BORA: variants seen among roughly 807,000 people sequenced by gnomAD.
BORA encodes the protein protein aurora borealis.
BORA carries 26 observed loss-of-function variants against 55.8 expected under a neutral mutation model. That is an observed-to-expected ratio of 0.47 (90% CI 0.34 to 0.65). The LOEUF (loss-of-function observed/expected upper bound fraction) is 0.65. BORA is among the 30% of genes least tolerant of loss of function. The pLI is 0.01. For synonymous variants in BORA, 201 were observed against 216.9 expected (o/e 0.93, Z 0.64); for missense variants, 568 against 671.5 (o/e 0.85, Z 1.70).
intron 5 of BORA, among the ~76,000 whole-genome samples, chr13:72,741,280 C>T (rs1383923020): frequency 6.6e-6 from 1 of 152,194 alleles, no homozygotes; most frequent in Non-Finnish European, 1.5e-5. Flanking sequence ...TCCTGTGTCC[C>T]AGCATCCCTG....
At chr13:72,750,323 C>T (rs2033240433) in intron 10 of BORA, among the ~76,000 whole-genome samples, 1 of 152,082 alleles carries the variant, frequency 6.6e-6, no homozygotes, top group Non-Finnish European at 1.5e-5. Flanking sequence ...AACTGAACAG[C>T]CTCAAGGTGA....
intron 11 of BORA, 38 bp from the exon 12 acceptor site, chr13:72,755,113 C>T (rs143482374): frequency 6.3e-7 from 1 of 1,590,094 alleles, no homozygotes; most frequent in Non-Finnish European, 8.6e-7. Context: ...AGTGGTCCTA[C>T]TTAAACTGAA....
chr13:72,739,535 T>C (rs1287552609), intron 5 of BORA, among the ~76,000 whole-genome samples: 2 of 152,150 alleles, frequency 1.3e-5, no homozygotes, highest in Non-Finnish European at 2.9e-5. Context: ...AAGGTAGAGA[T>C]AGTGTGTCCC....
chr13:72,750,568 C>T (rs2138103050), intron 10 of BORA, among the ~76,000 whole-genome samples: 1 of 152,144 alleles, frequency 6.6e-6, no homozygotes, highest in Non-Finnish European at 1.5e-5. Context: ...AAGTAACTCC[C>T]ACATGCTTAG....
intron 5 of BORA, among the ~76,000 whole-genome samples, chr13:72,740,338 T>TAAA (rs1347111615): frequency 2.0e-5 from 3 of 152,170 alleles, no homozygotes; most frequent in African/African-American, 7.2e-5. Flanking sequence ...CTCATGTCTT[T>TAAA]AGCCAGCACC....
intron 1 of BORA, chr13:72,728,304 C>T: frequency 1.6e-6 from 1 of 629,072 alleles, no homozygotes; most frequent in African/African-American, 1.8e-5. Flanking sequence ...AATGCAGTCT[C>T]CCTTTCTATC....
At chr13:72,744,588 T>C (rs922621644) in intron 7 of BORA, 27 bp downstream of exon 7, 3 of 1,540,734 alleles carry the variant, frequency 1.9e-6, no homozygotes, top group Non-Finnish European at 2.7e-6. Context: ...TTTAAACTTT[T>C]AATAACTTGA....
rs1367466278 is a variant in BORA, at chr13:72,752,473, CTGCTGTACTAA to C, written c.1483-1214_1483-1204del. ...ACAAACTCCCCGCATGCCTTACTTC[CTGCTGTACTAA>C]TGAGTAACTCTTCCCTCCATATATA... On this transcript the variant is annotated intron_variant, in intron 10 of 11. Transcript: ENST00000390667. 2.0e-5 allele frequency: 3 copies of C among 152,300 alleles called. No individual in the cohort carries two copies. The East Asian group carries it at 5.8e-4, about 29-fold the overall frequency. 9.4% of individuals were successfully genotyped at this position (152,300 alleles called of 1,614,324 possible).
At chr13:72,746,377 G>C (rs2033142126) in intron 9 of BORA, 124 bp from the exon 10 acceptor site, 2 of 1,181,486 alleles carry the variant, frequency 1.7e-6, no homozygotes, top group Admixed American at 2.6e-5. Flanking sequence ...TTTCACTTTG[G>C]TAAACAACAC....
At chr13:72,728,811 G>A in intron 1 of BORA, 115 bp from the exon 2 acceptor site, 1 of 859,934 alleles carries the variant, frequency 1.2e-6, no homozygotes, top group Non-Finnish European at 1.7e-6. Flanking sequence ...AGCCCCAAGA[G>A]TGTGAGGTTT....
In BORA at chr13:72,735,062, T is replaced by C; in HGVS notation, c.306+57T>C. On this transcript the variant is annotated intron_variant, in intron 4 of 11. Transcript: ENST00000390667. The stretch of plus-strand genomic sequence containing the variant: ...GTTAAGGATCAATTCTGCATGTACA[T>C]CACTTCTTTTAGGAAGACTTTCTTC... 3 of 1,344,206 alleles carry C rather than the reference T, an allele frequency of 2.2e-6. No individual in the cohort carries two copies. The South Asian group carries it at 3.7e-5, about 16-fold the overall frequency. 83.3% of individuals were successfully genotyped at this position (1,344,206 alleles called of 1,614,324 possible).
At chr13:72,741,321 C>G (rs2033029114) in intron 5 of BORA, among the ~76,000 whole-genome samples, 2 of 152,228 alleles carry the variant, frequency 1.3e-5, no homozygotes, top group Admixed American at 1.3e-4. Flanking sequence ...GCTTTTACAT[C>G]TTTGCCTTTC....
Position 72,755,329 on chromosome 13 carries a change from C to CT in BORA, c.*116dup, listed in dbSNP as rs2033429249. 6 of 812,892 alleles carry CT rather than the reference C, an allele frequency of 7.4e-6. No individual in the cohort carries two copies. The highest frequency in any genetic ancestry group is 9.8e-6 in the Non-Finnish European group (5 of 508,260). 50.4% of individuals were successfully genotyped at this position (812,892 alleles called of 1,614,324 possible). On this transcript the variant is annotated 3_prime_UTR_variant, in exon 12 of 12. Coordinates refer to ENST00000390667, the MANE Select transcript of BORA (RefSeq NM_024808.5). Reference sequence around the variant, plus strand: ...AAATTACTTCAAGTAACATGCTTAGCTTTCCCTCCTTAATGTGAAAAATCA... The same window carrying CT: ...AAATTACTTCAAGTAACATGCTTAGCTTTTCCCTCCTTAATGTGAAAAATCA...
At chr13:72,728,901 A>G (rs372027676) in intron 1 of BORA, 25 bp from the exon 2 acceptor site, 1 of 1,536,072 alleles carries the variant, frequency 6.5e-7, no homozygotes, top group East Asian at 2.3e-5. Flanking sequence ...TAATTTTAAC[A>G]TGCATACTCT....
chr13:72,743,345 AGTTTTATCCTTGT>A (rs71690173), intron 5 of BORA, among the ~76,000 whole-genome samples, 179 bp from the exon 6 acceptor site: 15,962 of 152,242 alleles, frequency 0.1, 1,135 homozygotes, highest in Non-Finnish European at 0.16. Context: ...GTAATCCTTT[AGTTTTATCCTTGT>A]ATTCCCTCAA....
intron 4 of BORA, among the ~76,000 whole-genome samples, chr13:72,736,073 T>G (rs540496784): frequency 6.6e-6 from 1 of 152,146 alleles, no homozygotes; most frequent in Admixed American, 6.6e-5. Flanking sequence ...TGTTTACTCC[T>G]GCTAAACATT....
intron 2 of BORA, among the ~76,000 whole-genome samples, chr13:72,729,734 C>A (rs1229984867): frequency 6.6e-6 from 1 of 152,208 alleles, no homozygotes; most frequent in Non-Finnish European, 1.5e-5. Flanking sequence ...TTTCACATGT[C>A]ACAAGATATT....
rs1400624603 is a variant in BORA, at chr13:72,742,765, TATACACACACACACAC to T, written c.389-770_389-755del. Among the ~76,000 whole-genome samples the T allele has an allele frequency of 7.0e-4, 38 of 54,002 alleles. 1 individual carries two copies. Among genetic ancestry groups the T allele is most frequent in the East Asian group, 1.8e-3 (5 of 2,798 alleles). The allele number at this position is 54,002 out of a possible 152,430, so 35.4% of individuals were successfully genotyped here. On this transcript the variant is annotated intron_variant, in intron 5 of 11. Transcript: ENST00000390667. ...CTTTTTAAAATGTGATATATATATATATACACACACACACACACACACACACACACACACACACACA... is the reference window on the plus strand; with the variant it reads ...CTTTTTAAAATGTGATATATATATATACACACACACACACACACACACACA...
intron 1 of BORA, chr13:72,728,369 G>A (rs1432633770): frequency 8.3e-6 from 5 of 600,050 alleles, no homozygotes; most frequent in Admixed American, 5.9e-5. Context: ...GAGGAAAGGG[G>A]ACCCCAGGCA....
Sources: gnomAD v4.1 joint callset for allele counts (sites outside exome capture counted in the v4.1 genomes callset) on GRCh38, gnomAD v4.1.1 for gene constraint, MANE v1.5 for transcripts, NCBI Gene and HGNC (gene_info 2026-07-23, HGNC 2026-07-21) for gene names.